Variants in ZPLD1 observed in about 807,000 individuals in gnomAD.
ZPLD1 encodes zona pellucida-like domain-containing protein 1.
Under a neutral mutation model 47.2 loss-of-function variants are expected in ZPLD1, and 34 were observed. The ratio of observed to expected loss-of-function variants is 0.72; its 90% confidence interval spans 0.55 to 0.96. The LOEUF is 0.96. ZPLD1 is among the 40% of genes least tolerant of loss of function. The probability of loss-of-function intolerance (pLI) is 0.00; values close to 1 mark genes in which losing one functional copy is unlikely to be tolerated. For missense variants in ZPLD1, 512 were observed against 505.8 expected, an observed-to-expected ratio of 1.01 and a Z score of -0.12; for synonymous variants, 176 against 186.2, an observed-to-expected ratio of 0.95 and a Z score of 0.45.
intron 8 of ZPLD1, 25 bp downstream of exon 8, chr3:102,464,276 A>G: frequency 6.7e-7 from 1 of 1,497,986 alleles, no homozygotes; most frequent in Non-Finnish European, 9.3e-7. Flanking sequence ...TCTAAGTATT[A>G]TATTGATACC....
At chr3:102,476,979 T>G in intron 10 of ZPLD1, 33 bp from the exon 11 acceptor site, 2 of 1,607,190 alleles carry the variant, frequency 1.2e-6, no homozygotes, top group African/African-American at 2.7e-5. Context: ...GGAGAGATGA[T>G]GTCACTTCTC....
chr3:102,419,461 A>G (rs967786748), intron 8 of ZPLD1, among the ~76,000 whole-genome samples: 20 of 152,110 alleles, frequency 1.3e-4, no homozygotes, highest in African/African-American at 4.6e-4. Flanking sequence ...GCCTCATAAC[A>G]TAGTAACAAG....
intron 7 of ZPLD1, among the ~76,000 whole-genome samples, chr3:102,417,823 C>T (rs1374094231): frequency 2.0e-5 from 3 of 151,642 alleles, no homozygotes; most frequent in African/African-American, 7.3e-5. Context: ...TGATAGCTCA[C>T]TTCACATATA....
At chr3:102,449,172 A>G (rs1559754725) in intron 3 of ZPLD1, among the ~76,000 whole-genome samples, 1 of 152,190 alleles carries the variant, frequency 6.6e-6, no homozygotes, top group Non-Finnish European at 1.5e-5. Context: ...CCTCTGTGTT[A>G]TAAAATTTCC....
intron 3 of ZPLD1, among the ~76,000 whole-genome samples, chr3:102,449,229 A>C (rs1217280603): frequency 1.2e-4 from 19 of 152,188 alleles, no homozygotes; most frequent in Non-Finnish European, 1.5e-5. Context: ...GACTGAGCTA[A>C]TGCCATCTTC....
chr3:102,470,482 G>A lies in ZPLD1; in HGVS notation c.1022G>A (p.Gly341Asp). ...TCTGGCAGCGCGGTGCTCTCTGCTGGTCCCATCATTACTCGGAGTGGTAAG... is the reference window on the plus strand; with the variant it reads ...TCTGGCAGCGCGGTGCTCTCTGCTGATCCCATCATTACTCGGAGTGGTAAG... ...SSSGSAVLSAGPIITRSDETP... is the reference protein window; with the variant it reads ...SSSGSAVLSADPIITRSDETP... The change falls in exon 10 of 12, where the codon GGT (glycine) becomes GAT (aspartate). Residue 341 changes from glycine to aspartate, a missense_variant. Transcript: ENST00000466937. 6.2e-7 allele frequency: 1 copy of A among 1,613,872 alleles called. No individual in the cohort carries two copies. Among genetic ancestry groups the A allele is most frequent in the South Asian group, 1.1e-5 (1 of 91,040 alleles).
chr3:102,414,518 A>G (rs924612752), intron 7 of ZPLD1, among the ~76,000 whole-genome samples: 1 of 151,912 alleles, frequency 6.6e-6, no homozygotes, highest in Admixed American at 6.6e-5. Flanking sequence ...GCATTTCCAG[A>G]AATAAGTAAG....
chr3:102,396,990 A>C (rs1706565413), intron 7 of ZPLD1, among the ~76,000 whole-genome samples: 1 of 152,112 alleles, frequency 6.6e-6, no homozygotes, highest in Admixed American at 6.6e-5. Context: ...TGAGGATTGT[A>C]TGAAATAATG....
intron 8 of ZPLD1, among the ~76,000 whole-genome samples, chr3:102,468,399 A>G (rs1707630793): frequency 6.6e-6 from 1 of 152,204 alleles, no homozygotes; most frequent in Admixed American, 6.5e-5. Context: ...TAAATAGGAA[A>G]CTGATTAAAT....
chr3:102,421,865 T>C (rs926592553), intron 8 of ZPLD1, among the ~76,000 whole-genome samples: 2 of 151,956 alleles, frequency 1.3e-5, no homozygotes, highest in Non-Finnish European at 2.9e-5. Context: ...GTGAGTTTTA[T>C]ATATCTAGGT....
chr3:102,430,703 T>C (rs1412493078), upstream of ZPLD1, among the ~76,000 whole-genome samples: 4 of 151,948 alleles, frequency 2.6e-5, no homozygotes, highest in Admixed American at 6.6e-5. Flanking sequence ...TATCGGGGAG[T>C]GGGTTTATAT....
intron 7 of ZPLD1, among the ~76,000 whole-genome samples, chr3:102,414,020 G>A (rs1706776269): frequency 6.6e-6 from 1 of 151,698 alleles, no homozygotes; most frequent in African/African-American, 2.4e-5. Context: ...AGGAGAGGAG[G>A]CGAGCTGTGT....
chr3:102,455,324 AAAGTGG>A (rs1707396895), intron 4 of ZPLD1, among the ~76,000 whole-genome samples: 1 of 152,220 alleles, frequency 6.6e-6, no homozygotes, highest in African/African-American at 2.4e-5. Context: ...GATTATTCCT[AAAGTGG>A]TGGATCTTAA....
upstream of ZPLD1, among the ~76,000 whole-genome samples, chr3:102,433,243 A>G (rs1194893021): frequency 1.3e-5 from 2 of 152,200 alleles, no homozygotes; most frequent in African/African-American, 4.8e-5. Context: ...TTAGCATTAT[A>G]TGCATCATTT....
intron 7 of ZPLD1, among the ~76,000 whole-genome samples, chr3:102,394,772 G>T (rs1210673591): frequency 6.6e-6 from 1 of 152,064 alleles, no homozygotes; most frequent in South Asian, 2.1e-4. Flanking sequence ...TTGATTTGGT[G>T]TCACATTTGC....
intron 6 of ZPLD1, among the ~76,000 whole-genome samples, chr3:102,459,027 T>C (rs1335676047): frequency 7.3e-6 from 1 of 137,644 alleles, no homozygotes; most frequent in African/African-American, 2.8e-5. Flanking sequence ...GAGGCGGAGG[T>C]TGCAGGGAGC....
chr3:102,402,189 C>CT (rs1454262307), intron 7 of ZPLD1, among the ~76,000 whole-genome samples: 2 of 151,938 alleles, frequency 1.3e-5, no homozygotes, highest in Non-Finnish European at 2.9e-5. Context: ...TTGAAATGCT[C>CT]TTTTTTAGTT....
In ZPLD1 at chr3:102,479,521, T is replaced by A. The variant is rs1320076411; in HGVS notation, c.*1903T>A. On this transcript the variant is annotated 3_prime_UTR_variant, in exon 12 of 12. Coordinates refer to ENST00000466937, the MANE Select transcript of ZPLD1 (RefSeq NM_001329788.2). ...CAATTCTATACTCCATTTTATAGAA[T>A]TGAATAATGGACACATGTCACTTGG... The A allele has an allele frequency of 1.3e-5, 2 of 152,176 alleles. No individual in the cohort carries two copies. Among genetic ancestry groups the A allele is most frequent in the African/African-American group, 4.8e-5 (2 of 41,448 alleles). The allele number at this position is 152,176 out of a possible 1,614,324, so 9.4% of individuals were successfully genotyped here.
chr3:102,401,980 C>T (rs532811407), intron 7 of ZPLD1, among the ~76,000 whole-genome samples: 6 of 152,180 alleles, frequency 3.9e-5, no homozygotes, highest in African/African-American at 1.4e-4. Context: ...AGGCTATCCT[C>T]ATAATAAATG....
Sources: gnomAD v4.1 joint callset for allele counts (sites outside exome capture counted in the v4.1 genomes callset) on GRCh38, gnomAD v4.1.1 for gene constraint, MANE v1.5 for transcripts, NCBI Gene and HGNC (gene_info 2026-07-23, HGNC 2026-07-21) for gene names.